Variants in ZFHX3 observed in about 807,000 individuals in gnomAD.
The protein encoded by ZFHX3 is zinc finger homeobox 3.
ZFHX3 carries 42 observed loss-of-function variants against 279.1 expected under a neutral mutation model. The ratio of observed to expected loss-of-function variants is 0.15; its 90% CI spans 0.12 to 0.19. The LOEUF (loss-of-function observed/expected upper bound fraction) is 0.19. Ranked by LOEUF, ZFHX3 falls within the 10% of genes least tolerant of loss-of-function variation. The probability of loss-of-function intolerance (pLI) is 1.00; values close to 1 mark genes in which losing one functional copy is unlikely to be tolerated. For missense variants in ZFHX3, 4,981 were observed against 4,754.0 expected (o/e 1.05, Z -1.40); for synonymous variants, 2,293 against 1,957.8 (o/e 1.17, Z -4.52).
chr16:73,452,740 G>A (rs997665338), intron 3 of ZFHX3, among the ~76,000 whole-genome samples: 3 of 152,192 alleles, frequency 2.0e-5, no homozygotes, highest in Non-Finnish European at 2.9e-5. Context: ...CCTGTCTAAA[G>A]TTTCAAGGTA....
At chr16:73,788,403 G>T (rs139774985) in intron 1 of ZFHX3, among the ~76,000 whole-genome samples, 4 of 152,268 alleles carry the variant, frequency 2.6e-5, no homozygotes, top group Non-Finnish European at 5.9e-5. Flanking sequence ...CGTGTCCTTG[G>T]ACTCCTCAGA....
intron 4 of ZFHX3, among the ~76,000 whole-genome samples, chr16:73,289,845 C>T (rs922431952): frequency 3.3e-5 from 5 of 152,120 alleles, no homozygotes; most frequent in Non-Finnish European, 5.9e-5. Context: ...AGGGGATCTG[C>T]AGAAAGCCTT....
At chr16:73,132,925 C>T (rs73593187) in intron 6 of ZFHX3, among the ~76,000 whole-genome samples, 3,462 of 152,274 alleles carry the variant, frequency 0.023, 142 homozygotes, top group African/African-American at 0.079. Flanking sequence ...TTTGGCCGAT[C>T]GTGATGGAGA....
At chr16:73,064,836 G>A (rs1333016411) in intron 8 of ZFHX3, among the ~76,000 whole-genome samples, 1 of 152,236 alleles carries the variant, frequency 6.6e-6, no homozygotes. Flanking sequence ...CAGGAGGCGC[G>A]GAGCCGGTGG....
chr16:72,981,877 C>CTT (rs34508059), intron 1 of ZFHX3, among the ~76,000 whole-genome samples: 8 of 130,712 alleles, frequency 6.1e-5, no homozygotes, highest in Non-Finnish European at 9.5e-5. Context: ...ACACATTTTC[C>CTT]TTTTTTTTTT....
chr16:73,823,698 G>A (rs963171183), intron 1 of ZFHX3, among the ~76,000 whole-genome samples: 1 of 152,066 alleles, frequency 6.6e-6, no homozygotes, highest in African/African-American at 2.4e-5. Context: ...CATCAGACCC[G>A]CAAAACTGAA....
chr16:73,777,508 CAAAAAAA>C (rs34744186), intron 1 of ZFHX3, among the ~76,000 whole-genome samples: 288 of 62,652 alleles, frequency 4.6e-3, no homozygotes, highest in Non-Finnish European at 6.9e-3. Context: ...GACTCTGTCT[CAAAAAAA>C]AAAAAAAAAA....
At chr16:73,408,260 T>A (rs768851459) in intron 3 of ZFHX3, among the ~76,000 whole-genome samples, 1 of 151,922 alleles carries the variant, frequency 6.6e-6, no homozygotes, top group African/African-American at 2.4e-5. Context: ...ACCATAAAAA[T>A]AGACGTGTGG....
At chr16:73,142,608 G>A (rs1187366901) in intron 6 of ZFHX3, among the ~76,000 whole-genome samples, 1 of 152,212 alleles carries the variant, frequency 6.6e-6, no homozygotes, top group Admixed American at 6.5e-5. Context: ...TTTAAAACCA[G>A]ATGCGTTAAT....
At chr16:73,040,700 C>T (rs188885105) in intron 1 of ZFHX3, among the ~76,000 whole-genome samples, 2 of 152,126 alleles carry the variant, frequency 1.3e-5, no homozygotes, top group African/African-American at 4.8e-5. Flanking sequence ...TTATTTCTTC[C>T]AAGGTGGTAA....
chr16:73,032,019 T>C (rs1447228602), intron 1 of ZFHX3, among the ~76,000 whole-genome samples: 1 of 151,862 alleles, frequency 6.6e-6, no homozygotes, highest in African/African-American at 2.4e-5. Context: ...CCTACTCTAG[T>C]AGGGAGAAAA....
intron 1 of ZFHX3, among the ~76,000 whole-genome samples, chr16:73,886,313 AC>A (rs1374546001): frequency 6.6e-6 from 1 of 152,196 alleles, no homozygotes; most frequent in African/African-American, 2.4e-5. Flanking sequence ...GGAAAAAAAA[AC>A]ACCATTCCCA....
At chr16:73,717,633 G>C (rs927480216) in intron 1 of ZFHX3, among the ~76,000 whole-genome samples, 1 of 152,244 alleles carries the variant, frequency 6.6e-6, no homozygotes, top group Non-Finnish European at 1.5e-5. Context: ...GCTAGGCTCC[G>C]AGGAGGGTTG....
chr16:73,251,326 C>T (rs2013480187), intron 5 of ZFHX3, among the ~76,000 whole-genome samples: 1 of 152,138 alleles, frequency 6.6e-6, no homozygotes, highest in African/African-American at 2.4e-5. Context: ...TAATGTTACA[C>T]CACAAGTGTG....
intron 4 of ZFHX3, among the ~76,000 whole-genome samples, chr16:72,865,487 G>A (rs1251922771): frequency 1.3e-5 from 2 of 152,188 alleles, no homozygotes; most frequent in South Asian, 2.1e-4. Flanking sequence ...TGCTTGGCTC[G>A]CTCTCTGGTG....
chr16:72,846,024 G>A (rs951183091), intron 4 of ZFHX3, among the ~76,000 whole-genome samples: 11 of 152,062 alleles, frequency 7.2e-5, no homozygotes, highest in African/African-American at 2.4e-4. Context: ...CCATCCATCC[G>A]CCCACCCATC....
intron 4 of ZFHX3, among the ~76,000 whole-genome samples, chr16:73,284,316 C>CAAAAAAAAAAAAAAAAA (rs71156152): frequency 1.2e-5 from 1 of 83,306 alleles, no homozygotes; most frequent in African/African-American, 4.8e-5. Context: ...GACTCTGTCT[C>CAAAAAAAAAAAAAAAAA]AAAAAAAAAA....
At chr16:73,470,263 T>C (rs561944676) in intron 2 of ZFHX3, among the ~76,000 whole-genome samples, 20 of 152,304 alleles carry the variant, frequency 1.3e-4, no homozygotes, top group Admixed American at 1.0e-3. Flanking sequence ...CATCTACTTA[T>C]GCAAAGCTGT....
At chr16:72,918,389 C>T (rs988268390) in intron 3 of ZFHX3, among the ~76,000 whole-genome samples, 2 of 152,178 alleles carry the variant, frequency 1.3e-5, no homozygotes, top group African/African-American at 4.8e-5. Flanking sequence ...TACAATAATA[C>T]TACGCAGCTA....
Sources: gnomAD v4.1 joint callset for allele counts (sites outside exome capture counted in the v4.1 genomes callset) on GRCh38, gnomAD v4.1.1 for gene constraint, MANE v1.5 for transcripts, NCBI Gene and HGNC (gene_info 2026-07-23, HGNC 2026-07-21) for gene names.